Variants in ADD2 observed in about 807,000 individuals in gnomAD.
ADD2 encodes the protein beta-adducin.
In ADD2, 23 loss-of-function variants were observed where a neutral mutation model predicts 83.0. The observed-to-expected ratio is 0.28, with a 90% CI of 0.20 to 0.39. The LOEUF (loss-of-function observed/expected upper bound fraction) is 0.39. Ranked by LOEUF, ADD2 falls within the 10% of genes least tolerant of loss-of-function variation. The pLI, the probability that ADD2 is intolerant of heterozygous loss-of-function variation, is 1.00. For synonymous variants in ADD2, 375 were observed against 375.4 expected, an observed-to-expected ratio of 1.00 and a Z score of 0.01; for missense variants, 758 against 944.9, an observed-to-expected ratio of 0.80 and a Z score of 2.59.
At chr2:70,724,266 C>T (rs1004931226) in intron 1 of ADD2, among the ~76,000 whole-genome samples, 5 of 152,216 alleles carry the variant, frequency 3.3e-5, no homozygotes, top group South Asian at 2.1e-4. Context: ...TGCTGTGGAG[C>T]GAGGGCCTTA....
At chr2:70,764,831 G>A (rs2104571380) in intron 1 of ADD2, among the ~76,000 whole-genome samples, 1 of 151,884 alleles carries the variant, frequency 6.6e-6, no homozygotes, top group African/African-American at 2.4e-5. Context: ...GATTATCACT[G>A]GAATAAAACC....
At chr2:70,761,112 T>C (rs1470099979) in intron 1 of ADD2, among the ~76,000 whole-genome samples, 3 of 152,088 alleles carry the variant, frequency 2.0e-5, no homozygotes, top group East Asian at 1.9e-4. Flanking sequence ...AGATTGAGCA[T>C]AGGAAATGGA....
chr2:70,759,353 G>C (rs1489953802), intron 1 of ADD2, among the ~76,000 whole-genome samples: 1 of 152,158 alleles, frequency 6.6e-6, no homozygotes, highest in Non-Finnish European at 1.5e-5. Context: ...GCTGCATCTG[G>C]TGAAGTGATC....
intron 14 of ADD2, among the ~76,000 whole-genome samples, chr2:70,673,920 C>T (rs1574222639): frequency 1.3e-5 from 2 of 152,242 alleles, no homozygotes; most frequent in East Asian, 3.9e-4. Flanking sequence ...GCTTTGTGTC[C>T]AGGAAGGTGG....
intron 10 of ADD2, among the ~76,000 whole-genome samples, chr2:70,682,758 A>T (rs1008868069): frequency 4.6e-5 from 7 of 152,126 alleles, no homozygotes; most frequent in Non-Finnish European, 8.8e-5. Context: ...ATGTCTTAAA[A>T]TTTTTTTTGT....
At chr2:70,712,321 G>A (rs1672222444) in intron 2 of ADD2, among the ~76,000 whole-genome samples, 1 of 151,886 alleles carries the variant, frequency 6.6e-6, no homozygotes, top group Non-Finnish European at 1.5e-5. Context: ...GTGTGCACCT[G>A]TAGTCCCAGC....
At chr2:70,720,838 G>A (rs543744315) in intron 1 of ADD2, among the ~76,000 whole-genome samples, 1 of 152,184 alleles carries the variant, frequency 6.6e-6, no homozygotes, top group Non-Finnish European at 1.5e-5. Context: ...AAGCAGAAAT[G>A]ATGGCATCCC....
At position 70,714,456 on chromosome 2, in the gene ADD2, A is replaced by T. The variant is rs1272681828; in HGVS notation, c.-153-1272T>A. 3.3e-5 allele frequency among the ~76,000 whole-genome samples: 5 copies of T among 152,318 alleles called. No individual in the cohort carries two copies. In the East Asian group the frequency reaches 5.8e-4, roughly 18 times the overall value. On this transcript the variant is annotated intron_variant, in intron 1 of 15. Coordinates refer to ENST00000264436, the MANE Select transcript of ADD2 (RefSeq NM_001617.4). Reference sequence around the variant, plus strand: ...CTGTGGGAATCCAGGATACCTGCACACCCACTAAGGCTCAGCCTCCTCCTC... The same window carrying T: ...CTGTGGGAATCCAGGATACCTGCACTCCCACTAAGGCTCAGCCTCCTCCTC...
At chr2:70,740,612 G>A (rs1287664454) in intron 1 of ADD2, among the ~76,000 whole-genome samples, 9 of 147,456 alleles carry the variant, frequency 6.1e-5, no homozygotes, top group Non-Finnish European at 1.0e-4. Flanking sequence ...AGTTTTTGTT[G>A]TCTTGTTTTT....
intron 7 of ADD2, among the ~76,000 whole-genome samples, chr2:70,691,343 G>A (rs1553371628): frequency 1.3e-5 from 2 of 152,108 alleles, no homozygotes; most frequent in African/African-American, 4.8e-5. Flanking sequence ...GGGTAGGCTG[G>A]AGACCCTCAG....
Position 70,676,448 on chromosome 2 carries a change from G to T in ADD2, c.1593+348C>A. The T allele has an allele frequency of 8.0e-7, 1 of 1,247,256 alleles. No homozygotes were observed. Among genetic ancestry groups the T allele is most frequent in the Non-Finnish European group, 1.0e-6 (1 of 991,702 alleles). 77.3% of individuals were successfully genotyped at this position (1,247,256 alleles called of 1,614,324 possible). A position where few individuals can be genotyped will look rare whatever the true frequency, so the allele number is the denominator to read the frequency against. Reference sequence around the variant, plus strand: ...AGGGCTGGGCACACCTGGGGCACCTGGGAGTCTCCAGCCCCAAGCCTATGA... The same window carrying T: ...AGGGCTGGGCACACCTGGGGCACCTTGGAGTCTCCAGCCCCAAGCCTATGA... On this transcript the variant is annotated intron_variant, in intron 13 of 15. Coordinates refer to ENST00000264436, the MANE Select transcript of ADD2 (RefSeq NM_001617.4). The surrounding 1 kb of genome is among the most constrained non-coding windows in gnomAD (Gnocchi z 4.8).
intron 7 of ADD2, 150 bp downstream of exon 7, chr2:70,692,253 T>C (rs1255660214): frequency 5.9e-6 from 5 of 841,420 alleles, no homozygotes; most frequent in African/African-American, 3.5e-5. Flanking sequence ...GTCAGAAAGA[T>C]GGAGAGGCTG....
At chr2:70,675,603 G>A in intron 13 of ADD2, 1 of 985,370 alleles carries the variant, frequency 1.0e-6, no homozygotes, top group Non-Finnish European at 1.2e-6. Context: ...TCCTCATCTT[G>A]GCCTTTGAGG....
At chr2:70,709,498 C>T (rs1396414262) in intron 2 of ADD2, among the ~76,000 whole-genome samples, 8 of 152,190 alleles carry the variant, frequency 5.3e-5, no homozygotes, top group South Asian at 4.1e-4. Context: ...GACTAGAAGT[C>T]AGGGACCTGC....
At chr2:70,740,578 C>T (rs1553380882) in intron 1 of ADD2, among the ~76,000 whole-genome samples, 3 of 152,196 alleles carry the variant, frequency 2.0e-5, no homozygotes. Context: ...GGAGAAGCAT[C>T]ATTTATCCTC....
chr2:70,667,184 G>C (rs1455459139), intron 15 of ADD2, among the ~76,000 whole-genome samples: 1 of 152,014 alleles, frequency 6.6e-6, no homozygotes, highest in Non-Finnish European at 1.5e-5. Context: ...GGAACCTGGA[G>C]CTCTGGGAAT....
Position 70,676,668 on chromosome 2 carries a change from C to A in ADD2, c.1593+128G>T. 6.7e-7 allele frequency: 1 copy of A among 1,500,260 alleles called. No homozygotes were observed. The highest frequency in any genetic ancestry group is 1.3e-5 in the South Asian group (1 of 77,134). 92.9% of individuals were successfully genotyped at this position (1,500,260 alleles called of 1,614,324 possible). A position where few individuals can be genotyped will look rare whatever the true frequency, so the allele number is the denominator to read the frequency against. On this transcript the variant is annotated intron_variant, in intron 13 of 15. Transcript: ENST00000264436. This position sits in a 1 kb window ranked among gnomAD's most constrained non-coding sequence, Gnocchi z 4.8. ...GTTGGCCTCCATTTTGCAGCAAGAG[C>A]ACCGGCACCCAAGATCACAGGGGAA...
chr2:70,735,053 TATCTCG>T (rs1673459039), intron 1 of ADD2, among the ~76,000 whole-genome samples: 1 of 152,208 alleles, frequency 6.6e-6, no homozygotes, highest in African/African-American at 2.4e-5. Context: ...GTTAAACTGT[TATCTCG>T]AAAATTTCAA....
At chr2:70,729,762 T>TTA (rs1673189006) in intron 1 of ADD2, among the ~76,000 whole-genome samples, 1 of 152,192 alleles carries the variant, frequency 6.6e-6, no homozygotes. Context: ...AATACCCCCT[T>TTA]GGACCATCAG....
Sources: gnomAD v4.1 joint callset for allele counts (sites outside exome capture counted in the v4.1 genomes callset) on GRCh38, gnomAD v4.1.1 for gene constraint, Gnocchi (gnomAD v3.1) non-coding constraint, MANE v1.5 for transcripts, NCBI Gene and HGNC (gene_info 2026-07-23, HGNC 2026-07-21) for gene names.